The following SLC22A4 variants were observed in gnomAD, a reference collection of about 807,000 sequenced individuals.
The protein encoded by SLC22A4 is solute carrier family 22 member 4.
Under a neutral mutation model 56.6 loss-of-function variants are expected in SLC22A4, and 39 were observed. The ratio of observed to expected loss-of-function variants is 0.69; its 90% CI spans 0.53 to 0.90. The LOEUF (loss-of-function observed/expected upper bound fraction) is 0.90. SLC22A4 is among the 40% of genes least tolerant of loss of function. The pLI is 0.00. For missense variants in SLC22A4, 594 were observed against 696.5 expected, an observed-to-expected ratio of 0.85 and a Z score of 1.66; for synonymous variants, 241 against 281.4, an observed-to-expected ratio of 0.86 and a Z score of 1.44.
rs1305043608 is a variant in SLC22A4, at chr5:132,294,593, A to G, written c.-24A>G. 6.2e-7 allele frequency: 1 copy of G among 1,614,054 alleles called. No homozygotes were observed. Among genetic ancestry groups the G allele is most frequent in the African/African-American group, 1.3e-5 (1 of 75,030 alleles). The stretch of plus-strand genomic sequence containing the variant: ...AACGCTGTCATCACCCGTAGTTGCA[A>G]GTTTCGGAGCGGCAGTGGGAAGCAT... On this transcript the variant is annotated 5_prime_UTR_variant, in exon 1 of 10. Coordinates refer to ENST00000200652, the MANE Select transcript of SLC22A4 (RefSeq NM_003059.3). The surrounding 1 kb of genome is among the most constrained non-coding windows in gnomAD (Gnocchi z 5.6).
chr5:132,325,792 AG>A (rs2126726827), intron 4 of SLC22A4, among the ~76,000 whole-genome samples: 1 of 152,338 alleles, frequency 6.6e-6, no homozygotes, highest in Admixed American at 6.5e-5. Flanking sequence ...CTCCAGAGGC[AG>A]GGCTTGGACA....
Position 132,335,826 on chromosome 5 carries a change from T to G in SLC22A4, c.1270T>G (p.Phe424Val). The change falls in exon 8 of 10, where the codon TTC (phenylalanine) becomes GTC (valine). Residue 424 changes from phenylalanine to valine, a missense_variant. Coordinates refer to ENST00000200652, the MANE Select transcript of SLC22A4 (RefSeq NM_003059.3). ...FIQLVPVDYY[F>V]LSIGLVMLGK... ...CCGGGTCTCTTTTCCAGATTATTACTTCTTATCCATTGGTCTGGTCATGCT... is the reference window on the plus strand; with the variant it reads ...CCGGGTCTCTTTTCCAGATTATTACGTCTTATCCATTGGTCTGGTCATGCT... The G allele has an allele frequency of 6.2e-7, 1 of 1,613,740 alleles. No individual in the cohort carries two copies. The highest frequency in any genetic ancestry group is 8.5e-7 in the Non-Finnish European group (1 of 1,179,618).
At chr5:132,320,110 AAGAG>A (rs1471610309) in intron 3 of SLC22A4, among the ~76,000 whole-genome samples, 1 of 152,228 alleles carries the variant, frequency 6.6e-6, no homozygotes, top group African/African-American at 2.4e-5. Flanking sequence ...CAGGAAGGCA[AAGAG>A]AGAGACCTAC....
At chr5:132,315,534 G>T (rs1396657508) in intron 3 of SLC22A4, among the ~76,000 whole-genome samples, 1 of 152,148 alleles carries the variant, frequency 6.6e-6, no homozygotes, top group Non-Finnish European at 1.5e-5. Context: ...CTTCCTACAG[G>T]AAAGGGCTGC....
At chr5:132,312,080 G>C in intron 1 of SLC22A4, 81 bp from the exon 2 acceptor site, 1 of 860,794 alleles carries the variant, frequency 1.2e-6, no homozygotes, top group Non-Finnish European at 2.0e-6. Flanking sequence ...CGCCAGCCGT[G>C]CTAATATTCC....
intron 1 of SLC22A4, among the ~76,000 whole-genome samples, chr5:132,305,884 TAAC>T (rs1750016374): frequency 6.6e-6 from 1 of 152,212 alleles, no homozygotes; most frequent in African/African-American, 2.4e-5. Context: ...CAGAAGGCCT[TAAC>T]AAGTGGAAAA....
intron 2 of SLC22A4, 128 bp from the exon 3 acceptor site, chr5:132,313,486 G>A: frequency 2.4e-6 from 2 of 828,768 alleles, no homozygotes; most frequent in Non-Finnish European, 4.3e-6. Context: ...ATGGGAGGAT[G>A]TGACAGAGAA....
intron 6 of SLC22A4, among the ~76,000 whole-genome samples, chr5:132,333,960 C>T (rs1182541787): frequency 6.6e-6 from 1 of 152,160 alleles, no homozygotes; most frequent in Non-Finnish European, 1.5e-5. Context: ...CACATGCCAC[C>T]ACCATGCCTG....
intron 6 of SLC22A4, among the ~76,000 whole-genome samples, chr5:132,333,539 A>C (rs1273338691): frequency 6.6e-6 from 1 of 152,188 alleles, no homozygotes; most frequent in Non-Finnish European, 1.5e-5. Flanking sequence ...TTGAGTTGGA[A>C]ATTGACTGAT....
chr5:132,339,322 A>G (rs1751127477), intron 8 of SLC22A4, among the ~76,000 whole-genome samples: 1 of 152,182 alleles, frequency 6.6e-6, no homozygotes, highest in African/African-American at 2.4e-5. Flanking sequence ...CAAAGGTGTC[A>G]ATCTGAAATG....
chr5:132,321,517 G>A (rs1750537481), intron 3 of SLC22A4, among the ~76,000 whole-genome samples: 1 of 152,196 alleles, frequency 6.6e-6, no homozygotes, highest in Non-Finnish European at 1.5e-5. Context: ...TGCTCTCTCT[G>A]CTTCTCATGT....
chr5:132,303,888 A>T (rs964397418), intron 1 of SLC22A4, among the ~76,000 whole-genome samples: 2 of 152,160 alleles, frequency 1.3e-5, no homozygotes, highest in African/African-American at 4.8e-5. Flanking sequence ...CCCAGCGGGG[A>T]GAGATAATCC....
At chr5:132,339,475 T>TACACACACACAC (rs58759726) in intron 8 of SLC22A4, among the ~76,000 whole-genome samples, 17,922 of 146,506 alleles carry the variant, frequency 0.12, 1,470 homozygotes, top group East Asian at 0.47. Context: ...GGTACACACG[T>TACACACACACAC]ACACACACAC....
In SLC22A4 at chr5:132,335,805, GT is replaced by G. The variant is rs778525198; in HGVS notation, c.1262-12del. On this transcript the variant is annotated splice_polypyrimidine_tract_variant and intron_variant, in intron 7 of 9. Coordinates refer to ENST00000200652, the MANE Select transcript of SLC22A4 (RefSeq NM_003059.3). ...CTAAAAGCACCATTGTTTATACCGG[GT>G]CTCTTTTCCAGATTATTACTTCTTA... 2 of 1,609,642 alleles carry G rather than the reference GT, an allele frequency of 1.2e-6. No homozygotes were observed. Among genetic ancestry groups the G allele is most frequent in the South Asian group, 2.2e-5 (2 of 90,984 alleles).
intron 1 of SLC22A4, among the ~76,000 whole-genome samples, chr5:132,307,297 A>G (rs2126705914): frequency 6.6e-6 from 1 of 152,334 alleles, no homozygotes; most frequent in Middle Eastern, 3.4e-3. Context: ...TCTCTAGAAT[A>G]AAGGATAACT....
chr5:132,312,071 G>T (rs548372505), intron 1 of SLC22A4, 90 bp from the exon 2 acceptor site: 1 of 832,676 alleles, frequency 1.2e-6, no homozygotes, highest in Non-Finnish European at 2.1e-6. Flanking sequence ...GAGTCTGCCC[G>T]CCAGCCGTGC....
chr5:132,313,564 A>G, intron 2 of SLC22A4, 50 bp from the exon 3 acceptor site: 1 of 1,584,438 alleles, frequency 6.3e-7, no homozygotes, highest in Non-Finnish European at 8.7e-7. Context: ...CTTGCAACAC[A>G]CCTTGGCAAC....
chr5:132,325,366 G>T (rs1750661549), intron 4 of SLC22A4, among the ~76,000 whole-genome samples: 1 of 152,164 alleles, frequency 6.6e-6, no homozygotes, highest in Non-Finnish European at 1.5e-5. Context: ...GCTACATGTG[G>T]TTAGTGGGTG....
intron 1 of SLC22A4, among the ~76,000 whole-genome samples, chr5:132,310,670 G>A (rs1037610034): frequency 1.3e-5 from 2 of 152,146 alleles, no homozygotes; most frequent in East Asian, 1.9e-4. Context: ...TGTGACAGGC[G>A]GCCTCATGAA....
Sources: allele counts gnomAD v4.1 joint callset (sites outside exome capture counted in the v4.1 genomes callset), GRCh38; gene constraint gnomAD v4.1.1; non-coding constraint Gnocchi (gnomAD v3.1); transcripts MANE v1.5; gene names NCBI Gene and HGNC (gene_info 2026-07-23, HGNC 2026-07-21).